AHCYL2: variants seen among roughly 807,000 people sequenced by gnomAD.
The protein encoded by AHCYL2 is adenosylhomocysteinase like 2.
Under a neutral mutation model 81.4 loss-of-function variants are expected in AHCYL2, and 28 were observed. The observed-to-expected ratio is 0.34, with a 90% confidence interval of 0.25 to 0.47. AHCYL2 has a LOEUF of 0.47. AHCYL2 is among the 20% of genes least tolerant of loss of function. The pLI is 1.00. For missense variants in AHCYL2, 551 were observed against 785.1 expected (o/e 0.70, Z 3.56); for synonymous variants, 272 against 290.2 (o/e 0.94, Z 0.64).
chr7:129,280,178 C>T (rs372135434), intron 1 of AHCYL2, among the ~76,000 whole-genome samples: 16 of 112,546 alleles, frequency 1.4e-4, no homozygotes, highest in South Asian at 6.1e-4. Context: ...TTGCTAAATA[C>T]TTTTTTTTTT....
chr7:129,370,024 T>C (rs1326509350), intron 1 of AHCYL2, among the ~76,000 whole-genome samples: 1 of 152,198 alleles, frequency 6.6e-6, no homozygotes, highest in Non-Finnish European at 1.5e-5. Flanking sequence ...GAAAAAGAAA[T>C]TTGGTTTTCT....
intron 1 of AHCYL2, among the ~76,000 whole-genome samples, chr7:129,346,590 C>T (rs964618957): frequency 9.9e-5 from 15 of 152,156 alleles, no homozygotes; most frequent in African/African-American, 3.6e-4. Flanking sequence ...AATACCACTA[C>T]TCATCTATTA....
At chr7:129,266,104 A>C (rs973953454) in intron 1 of AHCYL2, among the ~76,000 whole-genome samples, 1 of 152,198 alleles carries the variant, frequency 6.6e-6, no homozygotes, top group East Asian at 1.9e-4. Flanking sequence ...TTCCTGTTTT[A>C]GTATATTCCT....
intron 1 of AHCYL2, among the ~76,000 whole-genome samples, chr7:129,334,928 T>G (rs1798544084): frequency 6.6e-6 from 1 of 152,210 alleles, no homozygotes; most frequent in African/African-American, 2.4e-5. Flanking sequence ...AAGCATGGAT[T>G]TTGATCTGTA....
intron 1 of AHCYL2, among the ~76,000 whole-genome samples, chr7:129,357,730 C>A (rs375350652): frequency 1.3e-5 from 2 of 150,138 alleles, no homozygotes; most frequent in African/African-American, 2.4e-5. Context: ...GTCAGGAGAT[C>A]GAGACCATGC....
intron 1 of AHCYL2, among the ~76,000 whole-genome samples, chr7:129,321,857 C>A (rs1407372049): frequency 6.8e-6 from 1 of 147,528 alleles, no homozygotes; most frequent in Non-Finnish European, 1.5e-5. Flanking sequence ...CTCACCTTAA[C>A]CTCCACCTCC....
intron 6 of AHCYL2, among the ~76,000 whole-genome samples, chr7:129,402,868 A>G (rs1796100787): frequency 1.3e-5 from 2 of 152,226 alleles, no homozygotes; most frequent in African/African-American, 4.8e-5. Context: ...GGATTAAGGA[A>G]TACAGTTTTA....
At chr7:129,397,571 G>A (rs942615562) in intron 5 of AHCYL2, among the ~76,000 whole-genome samples, 2 of 152,138 alleles carry the variant, frequency 1.3e-5, no homozygotes, top group African/African-American at 4.8e-5. Context: ...GTAATGCTTT[G>A]TTTTAACTCA....
At chr7:129,235,322 G>A (rs1794604831) in intron 1 of AHCYL2, among the ~76,000 whole-genome samples, 1 of 151,336 alleles carries the variant, frequency 6.6e-6, no homozygotes, top group African/African-American at 2.4e-5. Context: ...TATGATCACT[G>A]TAAACTTGAA....
intron 2 of AHCYL2, among the ~76,000 whole-genome samples, chr7:129,383,428 G>C (rs1795056555): frequency 6.6e-6 from 1 of 151,944 alleles, no homozygotes; most frequent in African/African-American, 2.4e-5. Flanking sequence ...CCAAAGTGCT[G>C]GGATTACAGA....
intron 1 of AHCYL2, among the ~76,000 whole-genome samples, chr7:129,324,871 G>A (rs1235493596): frequency 2.6e-5 from 4 of 152,156 alleles, no homozygotes; most frequent in African/African-American, 9.7e-5. Context: ...GGTTTGTGGT[G>A]TAAATGGTGT....
chr7:129,246,052 T>G (rs1456113646), intron 1 of AHCYL2, among the ~76,000 whole-genome samples: 1 of 151,990 alleles, frequency 6.6e-6, no homozygotes, highest in African/African-American at 2.4e-5. Flanking sequence ...GTGTGAAGTA[T>G]GTTGGATTTG....
chr7:129,312,164 A>G (rs1324873089), intron 1 of AHCYL2, among the ~76,000 whole-genome samples: 1 of 152,008 alleles, frequency 6.6e-6, no homozygotes, highest in Non-Finnish European at 1.5e-5. Context: ...GGCTCACTGT[A>G]GTCTCTACCT....
intron 1 of AHCYL2, among the ~76,000 whole-genome samples, chr7:129,334,859 G>GGAA (rs768660415): frequency 2.0e-5 from 3 of 152,132 alleles, no homozygotes; most frequent in Non-Finnish European, 4.4e-5. Flanking sequence ...AATAAAGAAA[G>GGAA]GAAGAAGAAG....
At chr7:129,375,620 G>A (rs1794644175) in intron 1 of AHCYL2, 1 of 1,342,414 alleles carries the variant, frequency 7.4e-7, no homozygotes, top group Non-Finnish European at 9.5e-7. Flanking sequence ...ACAAGTAAAA[G>A]CAAAACAGCC....
chr7:129,420,506 TCTCA>T (rs1478745380), intron 12 of AHCYL2, among the ~76,000 whole-genome samples: 1 of 143,004 alleles, frequency 7.0e-6, no homozygotes, highest in Non-Finnish European at 1.5e-5. Flanking sequence ...TGAGACAAGA[TCTCA>T]CTGTTACCAC....
intron 1 of AHCYL2, among the ~76,000 whole-genome samples, chr7:129,264,832 A>G (rs1190914904): frequency 6.6e-6 from 1 of 152,238 alleles, no homozygotes; most frequent in Non-Finnish European, 1.5e-5. Context: ...CTTCCTTACT[A>G]GCAGAACGCT....
At position 129,385,634 on chromosome 7, in the gene AHCYL2, G is replaced by A. The variant is rs113835410; in HGVS notation, c.476-3422G>A. 2.0e-3 allele frequency among the ~76,000 whole-genome samples: 300 copies of A among 152,182 alleles called. 1 individual carries two copies. The highest frequency in any genetic ancestry group is 5.6e-3 in the African/African-American group (234 of 41,528). On this transcript the variant is annotated intron_variant, in intron 2 of 16. Coordinates refer to ENST00000325006, the MANE Select transcript of AHCYL2 (RefSeq NM_015328.4). The stretch of plus-strand genomic sequence containing the variant: ...TCTCATTTATTCGTAAGATTTTTCC[G>A]GTGGTAGTTGGGGGAAAGAGAGAGC...
At chr7:129,397,364 T>TCCAA in intron 5 of AHCYL2, 40 bp downstream of exon 5, 11 of 1,561,832 alleles carry the variant, frequency 7.0e-6, no homozygotes, top group Non-Finnish European at 9.7e-6. Flanking sequence ...AAAGTAAGTC[T>TCCAA]ATTTGGAGAC....
Sources: allele counts gnomAD v4.1 joint callset (sites outside exome capture counted in the v4.1 genomes callset), GRCh38; gene constraint gnomAD v4.1.1; transcripts MANE v1.5; gene names NCBI Gene and HGNC (gene_info 2026-07-23, HGNC 2026-07-21).